Variants in ADAM22 observed in about 807,000 individuals in gnomAD.
The protein encoded by ADAM22 is disintegrin and metalloproteinase domain-containing protein 22.
Under a neutral mutation model 144.6 loss-of-function variants are expected in ADAM22, and 65 were observed. The observed-to-expected ratio is 0.45, with a 90% confidence interval of 0.37 to 0.55. The LOEUF (loss-of-function observed/expected upper bound fraction) is 0.55, where lower values mean the gene tolerates loss of function less well. Among genes scored for constraint, ADAM22 ranks in the 20% least tolerant of loss-of-function variants. The pLI, the probability that ADAM22 is intolerant of heterozygous loss-of-function variation, is 0.00. For missense variants in ADAM22, 974 were observed against 1,184.9 expected, an observed-to-expected ratio of 0.82 and a Z score of 2.61; for synonymous variants, 391 against 412.6, an observed-to-expected ratio of 0.95 and a Z score of 0.63.
At chr7:87,979,557 G>C (rs1852792308) in intron 3 of ADAM22, among the ~76,000 whole-genome samples, 1 of 152,038 alleles carries the variant, frequency 6.6e-6, no homozygotes, top group Non-Finnish European at 1.5e-5. Context: ...AAAAAAGTTT[G>C]ACTACCATTA....
intron 3 of ADAM22, among the ~76,000 whole-genome samples, chr7:87,992,178 G>A (rs575278700): frequency 2.0e-5 from 3 of 152,294 alleles, no homozygotes; most frequent in African/African-American, 7.2e-5. Context: ...GGTGTTTTTT[G>A]TGGGTTTCAA....
chr7:88,184,564 A>T (rs1432734012), intron 29 of ADAM22, among the ~76,000 whole-genome samples: 3 of 152,160 alleles, frequency 2.0e-5, no homozygotes, highest in African/African-American at 7.2e-5. Context: ...TTGCCTTTCC[A>T]TCCTGGAAAA....
chr7:88,137,575 T>C (rs113809954), intron 14 of ADAM22, among the ~76,000 whole-genome samples: 3 of 152,332 alleles, frequency 2.0e-5, no homozygotes, highest in African/African-American at 7.2e-5. Flanking sequence ...CTTTCCCTTT[T>C]TTCTCTATCT....
intron 3 of ADAM22, among the ~76,000 whole-genome samples, chr7:87,983,386 T>C (rs914886228): frequency 2.6e-5 from 4 of 152,168 alleles, no homozygotes; most frequent in East Asian, 1.9e-4. Context: ...GAACATATCA[T>C]GTAGAGTATT....
In ADAM22 at chr7:88,108,150, CTTACATTCTTTA is replaced by C. The variant is rs757217971; in HGVS notation, c.391-23_391-12del. On this transcript the variant is annotated splice_polypyrimidine_tract_variant and intron_variant, in intron 4 of 31. Coordinates refer to ENST00000413139, the MANE Select transcript of ADAM22 (RefSeq NM_001324418.2). ...GCTGATTCTCCTTGTGATGCAAAGA[CTTACATTCTTTA>C]TTTCTGTTTTCAGGGAGGAGAGCAC... 1.9e-6 allele frequency: 3 copies of C among 1,590,834 alleles called. No homozygotes were observed. Among genetic ancestry groups the C allele is most frequent in the Non-Finnish European group, 2.6e-6 (3 of 1,163,152 alleles).
intron 2 of ADAM22, among the ~76,000 whole-genome samples, chr7:87,959,685 G>C (rs1847613894): frequency 6.6e-6 from 1 of 152,276 alleles, no homozygotes; most frequent in South Asian, 2.1e-4. Context: ...GAACAGACAG[G>C]TGATCTAGAA....
intron 5 of ADAM22, among the ~76,000 whole-genome samples, chr7:88,110,857 C>T: frequency 7.4e-6 from 1 of 134,782 alleles, no homozygotes; most frequent in Non-Finnish European, 1.6e-5. Flanking sequence ...ATTCTTGTGC[C>T]TCAGCCTCCT....
At chr7:88,016,416 G>A (rs1796553097) in intron 3 of ADAM22, among the ~76,000 whole-genome samples, 1 of 152,208 alleles carries the variant, frequency 6.6e-6, no homozygotes, top group Non-Finnish European at 1.5e-5. Flanking sequence ...AGTCCTAGAT[G>A]TGCTTAGTGC....
At chr7:88,194,497 A>G (rs1335943934) in intron 31 of ADAM22, among the ~76,000 whole-genome samples, 3 of 152,078 alleles carry the variant, frequency 2.0e-5, no homozygotes, top group African/African-American at 7.2e-5. Context: ...GGCTGTGGAG[A>G]GTGGAACAAG....
chr7:88,176,049 T>G (rs1379589821), intron 26 of ADAM22, among the ~76,000 whole-genome samples: 1 of 152,150 alleles, frequency 6.6e-6, no homozygotes, highest in Non-Finnish European at 1.5e-5. Flanking sequence ...CTCGGCTCAC[T>G]GCAACCTCCG....
intron 10 of ADAM22, among the ~76,000 whole-genome samples, chr7:88,130,821 T>G (rs1831579976): frequency 6.6e-6 from 1 of 152,268 alleles, no homozygotes; most frequent in Non-Finnish European, 1.5e-5. Context: ...TGGAACTAAA[T>G]AATTCCACTA....
chr7:87,983,622 A>C (rs751365715), intron 3 of ADAM22, among the ~76,000 whole-genome samples: 2 of 152,108 alleles, frequency 1.3e-5, no homozygotes, highest in African/African-American at 2.4e-5. Flanking sequence ...TTTTCTTTTC[A>C]AAATGTTACT....
intron 2 of ADAM22, among the ~76,000 whole-genome samples, chr7:87,946,111 T>C (rs966751672): frequency 6.6e-6 from 1 of 152,208 alleles, no homozygotes; most frequent in Non-Finnish European, 1.5e-5. Context: ...TGGTTTTGAT[T>C]TGCATTTCTC....
In ADAM22 at chr7:87,935,037, T is replaced by C. The variant is rs747573598; in HGVS notation, c.97T>C (p.Leu33=). Residue 33 remains leucine, a synonymous_variant, in exon 2 of 32, where the codon TTG becomes CTG. Coordinates refer to ENST00000413139, the MANE Select transcript of ADAM22 (RefSeq NM_001324418.2). ...ARCGQAGDAS[L]MELEKRKENR... is the part of the protein sequence containing the mutation. Reference sequence around the variant, plus strand: ...GTTCCTGCCTGGAGGAGACGCCTCATTGATGGAGCTAGAGAAGAGGAAGGA... The same window carrying C: ...GTTCCTGCCTGGAGGAGACGCCTCACTGATGGAGCTAGAGAAGAGGAAGGA... 18 of 1,613,968 alleles carry C rather than the reference T, an allele frequency of 1.1e-5. No individual in the cohort carries two copies. The highest frequency in any genetic ancestry group is 4.5e-5 in the East Asian group (2 of 44,858).
At chr7:88,065,146 C>T (rs1000049091) in intron 3 of ADAM22, among the ~76,000 whole-genome samples, 2 of 152,022 alleles carry the variant, frequency 1.3e-5, no homozygotes, top group African/African-American at 2.4e-5. Flanking sequence ...TGCCACCACT[C>T]AAAGGTGAAA....
intron 29 of ADAM22, among the ~76,000 whole-genome samples, chr7:88,184,665 A>T (rs941125696): frequency 5.9e-5 from 9 of 152,146 alleles, no homozygotes; most frequent in African/African-American, 2.2e-4. Flanking sequence ...ATTTACTGCA[A>T]TATGATAAAA....
intron 30 of ADAM22, among the ~76,000 whole-genome samples, chr7:88,190,356 G>A (rs1362854693): frequency 6.6e-6 from 1 of 152,018 alleles, no homozygotes; most frequent in Non-Finnish European, 1.5e-5. Flanking sequence ...CCATCATGGT[G>A]AGACCCTGTC....
chr7:88,136,760 G>A (rs528448889), intron 14 of ADAM22, among the ~76,000 whole-genome samples: 1 of 151,652 alleles, frequency 6.6e-6, no homozygotes, highest in African/African-American at 2.4e-5. Context: ...CTCACAAAAC[G>A]CCACTAAAGA....
intron 4 of ADAM22, among the ~76,000 whole-genome samples, chr7:88,077,019 G>A (rs1346671130): frequency 6.6e-6 from 1 of 152,032 alleles, no homozygotes; most frequent in Non-Finnish European, 1.5e-5. Context: ...TTATTTGAGT[G>A]TTTTTTGTCA....
Sources: allele counts gnomAD v4.1 joint callset (sites outside exome capture counted in the v4.1 genomes callset), GRCh38; gene constraint gnomAD v4.1.1; transcripts MANE v1.5; gene names NCBI Gene and HGNC (gene_info 2026-07-23, HGNC 2026-07-21).